MCCC1: variants seen among roughly 807,000 people sequenced by gnomAD.
The protein encoded by MCCC1 is methylcrotonyl-CoA carboxylase subunit 1.
A neutral mutation model predicts 83.8 loss-of-function variants in MCCC1; 64 were observed. The ratio of observed to expected loss-of-function variants is 0.76; its 90% CI spans 0.62 to 0.94. The LOEUF is 0.94. Among genes scored for constraint, MCCC1 ranks in the 40% least tolerant of loss-of-function variants. The pLI is 0.00. For missense variants in MCCC1, 807 were observed against 904.7 expected, an observed-to-expected ratio of 0.89 and a Z score of 1.39; for synonymous variants, 322 against 315.4, an observed-to-expected ratio of 1.02 and a Z score of -0.22.
At chr3:183,030,442 C>G (rs577050334) in intron 14 of MCCC1, among the ~76,000 whole-genome samples, 4 of 152,302 alleles carry the variant, frequency 2.6e-5, no homozygotes, top group African/African-American at 9.6e-5. Context: ...GCACAGAAAC[C>G]CCATTGCCCA....
intron 9 of MCCC1, among the ~76,000 whole-genome samples, 167 bp from the exon 10 acceptor site, chr3:183,045,707 T>C (rs1326540350): frequency 2.0e-5 from 3 of 152,162 alleles, no homozygotes; most frequent in Non-Finnish European, 4.4e-5. Flanking sequence ...TGAATCTTAG[T>C]CAAAAATAGA....
intron 18 of MCCC1, among the ~76,000 whole-genome samples, chr3:183,015,916 T>G (rs538488663): frequency 2.0e-5 from 3 of 151,480 alleles, no homozygotes; most frequent in Admixed American, 6.6e-5. Flanking sequence ...CTTTTGTTTT[T>G]TTTTTTTTGT....
chr3:183,043,006 T>C (rs4859153), intron 10 of MCCC1, among the ~76,000 whole-genome samples: 136,901 of 152,292 alleles, frequency 0.9, 61,846 homozygotes, highest in East Asian at 1. Flanking sequence ...TAAATAATTC[T>C]GGGTCAGGTG....
intron 7 of MCCC1, among the ~76,000 whole-genome samples, chr3:183,057,861 G>A (rs973969177): frequency 6.6e-6 from 1 of 152,170 alleles, no homozygotes; most frequent in Admixed American, 6.5e-5. Flanking sequence ...GACAGAGTGA[G>A]AGACCCTGTC....
intron 1 of MCCC1, among the ~76,000 whole-genome samples, chr3:183,113,096 C>T (rs1016096121): frequency 3.3e-5 from 5 of 151,230 alleles, no homozygotes; most frequent in African/African-American, 9.7e-5. Flanking sequence ...TGGTAGTGGG[C>T]GCCTGTAACC....
At chr3:183,072,230 T>A (rs1716750740) in intron 5 of MCCC1, 136 bp downstream of exon 5, 1 of 1,058,456 alleles carries the variant, frequency 9.4e-7, no homozygotes, top group Non-Finnish European at 1.4e-6. Context: ...CAGGCTGGTC[T>A]TGAATTCCTG....
At position 183,053,674 on chromosome 3, in the gene MCCC1, A is replaced by G. The variant is rs750732258; in HGVS notation, c.874-1434T>C. Among the ~76,000 whole-genome samples the G allele has an allele frequency of 8.3e-4, 124 of 150,014 alleles. 2 individuals carry two copies. Among genetic ancestry groups the G allele is most frequent in the Admixed American group, 2.3e-3 (34 of 15,066 alleles). ...ACAAAAATTAGCCGGGTGTGGTGGCAGGCGCCTGTAGTCCCAGCTACTCTG... is the reference window on the plus strand; with the variant it reads ...ACAAAAATTAGCCGGGTGTGGTGGCGGGCGCCTGTAGTCCCAGCTACTCTG... On this transcript the variant is annotated intron_variant, in intron 8 of 18. Coordinates refer to ENST00000265594, the MANE Select transcript of MCCC1 (RefSeq NM_020166.5).
Position 183,052,182 on chromosome 3 carries a change from T to G in MCCC1, c.932A>C (p.Lys311Thr). 6.2e-7 allele frequency: 1 copy of G among 1,614,178 alleles called. No homozygotes were observed. The highest frequency in any genetic ancestry group is 1.1e-5 in the South Asian group (1 of 91,088). ...ACCTGCTCCAACATAATTTACAGCT[T>G]TAGCAGCTCTGACTGCAGCTTCTCC... is the stretch of plus-strand genomic sequence containing the variant. ...KLGEAAVRAA[K>T]AVNYVGAGTV... The change falls in exon 9 of 19, where the codon AAA becomes ACA. Residue 311 changes from lysine to threonine, a missense_variant. Physicochemically the swap from Lys to Thr is moderately conservative, Grantham distance 78. Coordinates refer to ENST00000265594, the MANE Select transcript of MCCC1 (RefSeq NM_020166.5).
chr3:183,044,067 G>A (rs1216151688), intron 10 of MCCC1, among the ~76,000 whole-genome samples: 4 of 151,926 alleles, frequency 2.6e-5, no homozygotes, highest in African/African-American at 9.7e-5. Flanking sequence ...CACCCCCAAG[G>A]AACCAACAAA....
At chr3:183,083,772 A>G (rs573038087) in intron 4 of MCCC1, among the ~76,000 whole-genome samples, 45 of 152,342 alleles carry the variant, frequency 3.0e-4, no homozygotes, top group African/African-American at 1.0e-3. Context: ...AGCTTAGAAA[A>G]GAAAGCAATA....
At chr3:183,099,279 T>A in intron 1 of MCCC1, 73 bp downstream of exon 1, 3 of 1,515,644 alleles carry the variant, frequency 2.0e-6, no homozygotes, top group Non-Finnish European at 2.7e-6. Flanking sequence ...CCGCCGCACC[T>A]CCCACCGCTC....
At chr3:183,078,549 T>C (rs562476005) in intron 4 of MCCC1, among the ~76,000 whole-genome samples, 5 of 152,364 alleles carry the variant, frequency 3.3e-5, no homozygotes, top group African/African-American at 9.6e-5. Context: ...ACTTCTTTAG[T>C]ATCTCTCAGC....
Position 183,091,764 on chromosome 3 carries a change from T to C in MCCC1, c.273+645A>G, listed in dbSNP as rs533155181. The stretch of plus-strand genomic sequence containing the variant: ...TGCTAAGAATAGAGCCTGGATTGGC[T>C]AGGCACGGTGGCTCACGCCTGTTTG... On this transcript the variant is annotated intron_variant, in intron 3 of 18. Transcript: ENST00000265594. Among the ~76,000 whole-genome samples the C allele has an allele frequency of 6.9e-4, 105 of 151,946 alleles. 1 individual carries two copies. The highest frequency in any genetic ancestry group is 4.6e-3 in the Admixed American group (70 of 15,268).
chr3:183,086,831 T>C, intron 3 of MCCC1, 43 bp from the exon 4 acceptor site: 2 of 1,518,870 alleles, frequency 1.3e-6, no homozygotes, highest in South Asian at 1.1e-5. Flanking sequence ...TTGTGGCTAG[T>C]ACATACTCAT....
At chr3:183,049,274 GA>G (rs1209494065) in intron 9 of MCCC1, among the ~76,000 whole-genome samples, 1 of 151,826 alleles carries the variant, frequency 6.6e-6, no homozygotes, top group Non-Finnish European at 1.5e-5. Context: ...AAAATCAATA[GA>G]AAAAAATCAC....
intron 11 of MCCC1, among the ~76,000 whole-genome samples, chr3:183,039,425 C>A (rs749549210): frequency 1.3e-5 from 2 of 152,212 alleles, no homozygotes; most frequent in Non-Finnish European, 2.9e-5. Flanking sequence ...TTTCCCTTCT[C>A]ATTTTCAAAG....
chr3:183,101,752 A>G (rs963912003), upstream of MCCC1, among the ~76,000 whole-genome samples: 1 of 152,110 alleles, frequency 6.6e-6, no homozygotes, highest in Non-Finnish European at 1.5e-5. Flanking sequence ...CTTTGCAATA[A>G]ATCTTGCTAC....
At chr3:183,091,720 T>G (rs1204472696) in intron 3 of MCCC1, among the ~76,000 whole-genome samples, 4 of 106,946 alleles carry the variant, frequency 3.7e-5, no homozygotes, top group African/African-American at 9.9e-5. Context: ...CTAAGATCAC[T>G]CAGCCAGTAA....
At chr3:183,060,071 G>A (rs1002908922) in intron 7 of MCCC1, among the ~76,000 whole-genome samples, 3 of 152,018 alleles carry the variant, frequency 2.0e-5, no homozygotes, top group African/African-American at 7.3e-5. Context: ...TATCTCTCCT[G>A]CTGCTTTCTA....
Sources: allele counts gnomAD v4.1 joint callset (sites outside exome capture counted in the v4.1 genomes callset), GRCh38; gene constraint gnomAD v4.1.1; transcripts MANE v1.5; gene names NCBI Gene and HGNC (gene_info 2026-07-23, HGNC 2026-07-21).